PCDH15: variants seen among roughly 807,000 people sequenced by gnomAD.
The protein encoded by PCDH15 is protocadherin related 15.
A neutral mutation model predicts 178.5 loss-of-function variants in PCDH15; 129 were observed. That is an observed-to-expected ratio of 0.72 (90% CI 0.63 to 0.84). The LOEUF (loss-of-function observed/expected upper bound fraction) is 0.84. Ranked by LOEUF, PCDH15 falls within the 40% of genes least tolerant of loss-of-function variation. The pLI, the probability that PCDH15 is intolerant of heterozygous loss-of-function variation, is 0.00. For synonymous variants in PCDH15, 800 were observed against 732.0 expected (o/e 1.09, Z -1.50); for missense variants, 2,230 against 2,099.9 (o/e 1.06, Z -1.21).
At chr10:55,100,805 A>T (rs1842559110) in intron 2 of PCDH15, among the ~76,000 whole-genome samples, 1 of 152,150 alleles carries the variant, frequency 6.6e-6, no homozygotes, top group Non-Finnish European at 1.5e-5. Flanking sequence ...TCAAATTTTG[A>T]CATGAGTTTT....
chr10:55,439,768 G>A (rs1839136293), intron 2 of PCDH15, among the ~76,000 whole-genome samples: 1 of 151,994 alleles, frequency 6.6e-6, no homozygotes, highest in Non-Finnish European at 1.5e-5. Context: ...ATTCAAAGCT[G>A]ACAAACAGGA....
chr10:54,640,828 G>A (rs949528898), intron 2 of PCDH15, among the ~76,000 whole-genome samples: 11 of 152,128 alleles, frequency 7.2e-5, no homozygotes, highest in Admixed American at 7.2e-4. Context: ...AACAGGCCAG[G>A]CTCAGTGGCT....
chr10:54,470,590 C>T (rs1296795783), intron 3 of PCDH15, among the ~76,000 whole-genome samples: 1 of 152,126 alleles, frequency 6.6e-6, no homozygotes, highest in Non-Finnish European at 1.5e-5. Context: ...CATGCAGCTT[C>T]CTATGATAGT....
intron 1 of PCDH15, among the ~76,000 whole-genome samples, chr10:55,305,994 T>G (rs1049748518): frequency 3.3e-5 from 5 of 152,210 alleles, no homozygotes; most frequent in Non-Finnish European, 7.4e-5. Context: ...TTTTTACATT[T>G]AAAAACAACT....
chr10:54,654,534 A>C (rs1234612377), intron 2 of PCDH15, among the ~76,000 whole-genome samples: 1 of 152,202 alleles, frequency 6.6e-6, no homozygotes, highest in South Asian at 2.1e-4. Context: ...TAGAGAGTGC[A>C]CTTTCAGTAT....
intron 1 of PCDH15, among the ~76,000 whole-genome samples, chr10:55,214,123 G>A (rs181819864): frequency 1.7e-4 from 26 of 151,784 alleles, no homozygotes; most frequent in African/African-American, 6.0e-4. Flanking sequence ...TATTCTCTAT[G>A]GTACTTGTTT....
chr10:55,079,753 G>T (rs1231479352), intron 2 of PCDH15, among the ~76,000 whole-genome samples: 1 of 152,138 alleles, frequency 6.6e-6, no homozygotes, highest in African/African-American at 2.4e-5. Flanking sequence ...GGAGAGGTTG[G>T]TCCTTAGGCT....
intron 2 of PCDH15, among the ~76,000 whole-genome samples, chr10:55,080,361 C>A (rs1257768132): frequency 6.6e-6 from 1 of 152,082 alleles, no homozygotes; most frequent in East Asian, 1.9e-4. Context: ...GTTCCACACC[C>A]CTTATGAGAA....
intron 13 of PCDH15, among the ~76,000 whole-genome samples, chr10:54,164,219 G>C (rs1270652015): frequency 6.6e-6 from 1 of 152,100 alleles, no homozygotes; most frequent in Non-Finnish European, 1.5e-5. Context: ...ATGATATGTA[G>C]GAAAAGTCTA....
intron 1 of PCDH15, among the ~76,000 whole-genome samples, chr10:54,762,459 A>G (rs549116639): frequency 6.6e-6 from 1 of 152,252 alleles, no homozygotes; most frequent in East Asian, 1.9e-4. Context: ...ATAAGAGTTG[A>G]TATTTGTAAC....
In PCDH15 at chr10:54,527,817, C is replaced by A; in HGVS notation, c.152G>T (p.Arg51Leu). ...AAAATAAAAAACTCACTTACCATTC[C>A]GACTTTCTTCATCAATAGCAACTAT... Reference protein sequence around the residue: ...ATIVAIDEESRNGTILVDNML... With the variant: ...ATIVAIDEESLNGTILVDNML... The change falls in exon 3 of 38, where the codon CGG becomes CTG. Residue 51 changes from arginine (R) to leucine (L), a missense_variant. Physicochemically the swap from Arg to Leu is moderately radical, Grantham distance 102. Coordinates refer to ENST00000644397, the MANE Select transcript of PCDH15 (RefSeq NM_001384140.1). 1 of 1,608,240 alleles carries A rather than the reference C, an allele frequency of 6.2e-7. No homozygotes were observed. Among genetic ancestry groups the A allele is most frequent in the South Asian group, 1.1e-5 (1 of 90,354 alleles).
At chr10:55,191,540 T>A (rs1262958899) in intron 1 of PCDH15, among the ~76,000 whole-genome samples, 1 of 151,878 alleles carries the variant, frequency 6.6e-6, no homozygotes, top group Non-Finnish European at 1.5e-5. Flanking sequence ...AGATCTAAAT[T>A]CAAATCTAGA....
At chr10:54,620,812 G>A (rs2093328925) in intron 2 of PCDH15, among the ~76,000 whole-genome samples, 1 of 151,986 alleles carries the variant, frequency 6.6e-6, no homozygotes, top group South Asian at 2.1e-4. Flanking sequence ...TGTTTCCATT[G>A]TCATTCTAAG....
At chr10:55,002,865 T>A (rs1231914997) in intron 2 of PCDH15, among the ~76,000 whole-genome samples, 1 of 152,232 alleles carries the variant, frequency 6.6e-6, no homozygotes, top group Non-Finnish European at 1.5e-5. Flanking sequence ...GGTATTTGTG[T>A]CAGAATAACA....
At chr10:54,591,569 C>T (rs1010346579) in intron 2 of PCDH15, among the ~76,000 whole-genome samples, 2 of 152,048 alleles carry the variant, frequency 1.3e-5, no homozygotes, top group African/African-American at 4.8e-5. Flanking sequence ...TAAGATATTA[C>T]ATTTGTGTTG....
intron 2 of PCDH15, among the ~76,000 whole-genome samples, chr10:55,499,381 A>G (rs1305811458): frequency 6.8e-6 from 1 of 147,808 alleles, no homozygotes; most frequent in African/African-American, 2.5e-5. Flanking sequence ...AATTTAAACT[A>G]TCTTCTTTTT....
At chr10:55,453,810 A>G (rs1358796889) in intron 2 of PCDH15, among the ~76,000 whole-genome samples, 1 of 152,146 alleles carries the variant, frequency 6.6e-6, no homozygotes, top group African/African-American at 2.4e-5. Flanking sequence ...TTCTTCTTGC[A>G]TTAAAATACC....
intron 2 of PCDH15, among the ~76,000 whole-genome samples, chr10:54,553,517 G>A (rs1269522137): frequency 2.0e-5 from 3 of 152,132 alleles, no homozygotes; most frequent in African/African-American, 7.2e-5. Context: ...ACTCAATTGT[G>A]TCCTTCTGTC....
chr10:55,207,971 A>G (rs1840451000), intron 1 of PCDH15, among the ~76,000 whole-genome samples: 1 of 152,138 alleles, frequency 6.6e-6, no homozygotes, highest in South Asian at 2.1e-4. Flanking sequence ...TCTATCTCAA[A>G]AAACAAACAA....
Sources: gnomAD v4.1 joint callset for allele counts (sites outside exome capture counted in the v4.1 genomes callset) on GRCh38, gnomAD v4.1.1 for gene constraint, MANE v1.5 for transcripts, NCBI Gene and HGNC (gene_info 2026-07-23, HGNC 2026-07-21) for gene names.